P2RY2: variants seen among roughly 807,000 people sequenced by gnomAD.
P2RY2 encodes the protein P2Y purinoceptor 2.
For synonymous variants in P2RY2, 241 were observed against 231.9 expected, an observed-to-expected ratio of 1.04 and a Z score of -0.35; for missense variants, 567 against 515.7, an observed-to-expected ratio of 1.10 and a Z score of -0.96.
At position 73,231,614 on chromosome 11, in the gene P2RY2, C is replaced by T. The variant is rs79996366; in HGVS notation, c.-4-2542C>T. Among the ~76,000 whole-genome samples the T allele has an allele frequency of 3.9e-3, 600 of 152,032 alleles. 1 individual carries two copies. The highest frequency in any genetic ancestry group is 0.013 in the African/African-American group (558 of 41,494). On this transcript the variant is annotated intron_variant, in intron 2 of 2. Coordinates refer to ENST00000393597, the MANE Select transcript of P2RY2 (RefSeq NM_002564.4). ...AGGGAAATTGAAGGATCTCTACACC[C>T]CCCAGCACCCCTAATCTCAGCCTCT...
At chr11:73,218,674 C>T (rs1862034002) in intron 1 of P2RY2, 1 of 152,262 alleles carries the variant, frequency 6.6e-6, no homozygotes, top group South Asian at 2.1e-4. Context: ...TGGACGGGCG[C>T]CCCAGTAGTG....
Position 73,236,049 on chromosome 11 carries a change from G to T in P2RY2, c.*756G>T. The T allele has an allele frequency of 1.0e-6, 1 of 998,904 alleles. No individual in the cohort carries two copies. Among genetic ancestry groups the T allele is most frequent in the Non-Finnish European group, 1.2e-6 (1 of 828,768 alleles). The allele number at this position is 998,904 out of a possible 1,614,324, so 61.9% of individuals were successfully genotyped here. A position where few individuals can be genotyped will look rare whatever the true frequency, so the allele number is the denominator to read the frequency against. ...TCTGCCACCTGCCTTCTCACTAGCT[G>T]TCTCAGGAGTAGTCTCATATCAGGG... On this transcript the variant is annotated 3_prime_UTR_variant, in exon 3 of 3. Coordinates refer to ENST00000393597, the MANE Select transcript of P2RY2 (RefSeq NM_002564.4).
intron 1 of P2RY2, among the ~76,000 whole-genome samples, chr11:73,222,858 G>A (rs1358609160): frequency 6.6e-6 from 1 of 152,180 alleles, no homozygotes; most frequent in African/African-American, 2.4e-5. Context: ...AAGTGGATTT[G>A]GTCCATGTCT....
chr11:73,236,508 T>C lies in P2RY2; in HGVS notation c.*1215T>C, dbSNP rs1862656914. On this transcript the variant is annotated 3_prime_UTR_variant, in exon 3 of 3. Transcript: ENST00000393597. ...AGCTGTAGCTTCTGAGAAAAGCAGC[T>C]CACCGGAAGAACATCCACACACAGG... The C allele has an allele frequency of 2.1e-6, 2 of 966,764 alleles. No homozygotes were observed. Among genetic ancestry groups the C allele is most frequent in the Middle Eastern group, 1.1e-3 (2 of 1,870 alleles). 59.9% of individuals were successfully genotyped at this position (966,764 alleles called of 1,614,324 possible).
intron 2 of P2RY2, among the ~76,000 whole-genome samples, chr11:73,233,060 G>A (rs895529565): frequency 5.9e-5 from 9 of 152,120 alleles, no homozygotes; most frequent in African/African-American, 2.2e-4. Flanking sequence ...GGTTGGGGGG[G>A]ACACCATGAT....
chr11:73,234,711 C>G lies in P2RY2; in HGVS notation c.552C>G (p.His184Gln), dbSNP rs35545480. The change falls in exon 3 of 3, where the codon CAC becomes CAG. Residue 184 changes from histidine to glutamine, a missense_variant. Coordinates refer to ENST00000393597, the MANE Select transcript of P2RY2 (RefSeq NM_002564.4). ...TSARGGRVTC[H>Q]DTSAPELFSR... ...CGCGCGGGGGCCGCGTAACCTGCCACGACACCTCGGCACCCGAGCTCTTCA... is the reference window on the plus strand; with the variant it reads ...CGCGCGGGGGCCGCGTAACCTGCCAGGACACCTCGGCACCCGAGCTCTTCA... The G allele has an allele frequency of 2.6e-5, 41 of 1,607,530 alleles. 1 individual carries two copies. In the South Asian group the frequency reaches 4.5e-4, roughly 18 times the overall value.
At chr11:73,227,603 A>G (rs1334030854) in intron 1 of P2RY2, among the ~76,000 whole-genome samples, 2 of 152,328 alleles carry the variant, frequency 1.3e-5, no homozygotes, top group East Asian at 3.9e-4. Flanking sequence ...GAAGGACAAT[A>G]GAATGCACAC....
In P2RY2 at chr11:73,234,344, T is replaced by C; in HGVS notation, c.185T>C (p.Leu62Pro). 1 of 1,614,226 alleles carries C rather than the reference T, an allele frequency of 6.2e-7. No individual in the cohort carries two copies. The highest frequency in any genetic ancestry group is 2.2e-5 in the East Asian group (1 of 44,886). ...AVALYIFLCR[L>P]KTWNASTTYM... The stretch of plus-strand genomic sequence containing the variant: ...GCGCTCTACATCTTCTTGTGCCGCC[T>C]CAAGACCTGGAATGCGTCCACCACA... The change falls in exon 3 of 3, where the codon CTC becomes CCC. Residue 62 changes from leucine to proline, a missense_variant. Leu to Pro is a moderately conservative substitution (Grantham distance 98, BLOSUM62 -3). Transcript: ENST00000393597.
Position 73,239,193 on chromosome 11 carries a change from T to C in P2RY2, c.*3900T>C, listed in dbSNP as rs1014952719. On this transcript the variant is annotated 3_prime_UTR_variant, in exon 3 of 3. Coordinates refer to ENST00000393597, the MANE Select transcript of P2RY2 (RefSeq NM_002564.4). ...TGACATCACTTAGTACGTAACCACA[T>C]TGGGATACATGTTTTGAAGGAGAGG... 1 of 152,234 alleles carries C rather than the reference T, an allele frequency of 6.6e-6. No homozygotes were observed. Among genetic ancestry groups the C allele is most frequent in the Admixed American group, 6.5e-5 (1 of 15,286 alleles). The allele number at this position is 152,234 out of a possible 1,614,324, so 9.4% of individuals were successfully genotyped here. A position where few individuals can be genotyped will look rare whatever the true frequency, so the allele number is the denominator to read the frequency against.
Position 73,237,725 on chromosome 11 carries a change from T to C in P2RY2, c.*2432T>C, listed in dbSNP as rs1426571956. ...AACCAGGGGCACCTCTGGAACCCAG[T>C]TGGACTGCCTGGCCCCTTGGTATGC... On this transcript the variant is annotated 3_prime_UTR_variant, in exon 3 of 3. Coordinates refer to ENST00000393597, the MANE Select transcript of P2RY2 (RefSeq NM_002564.4). Among the ~76,000 whole-genome samples, 1 of 152,176 alleles carries C rather than the reference T, an allele frequency of 6.6e-6. No homozygotes were observed. The highest frequency in any genetic ancestry group is 1.9e-4 in the East Asian group (1 of 5,196).
rs1436608425 is a variant in P2RY2, at chr11:73,234,771, C to A, written c.612C>A (p.Gly204=). The change falls in exon 3 of 3, where the codon GGC becomes GGA. Residue 204 remains glycine (G), a synonymous_variant. Transcript: ENST00000393597. ...RFVAYSSVML[G]LLFAVPFAVI... is the part of the protein sequence containing the mutation. ...TGGCCTACAGCTCAGTCATGCTGGG[C>A]CTGCTCTTCGCGGTGCCCTTTGCCG... 1.2e-6 allele frequency: 2 copies of A among 1,611,636 alleles called. No homozygotes were observed. The highest frequency in any genetic ancestry group is 1.7e-6 in the Non-Finnish European group (2 of 1,179,952).
At position 73,237,518 on chromosome 11, in the gene P2RY2, G is replaced by C. The variant is rs1211975694; in HGVS notation, c.*2225G>C. Among the ~76,000 whole-genome samples, 1 of 152,290 alleles carries C rather than the reference G, an allele frequency of 6.6e-6. No homozygotes were observed. Among genetic ancestry groups the C allele is most frequent in the East Asian group, 1.9e-4 (1 of 5,186 alleles). On this transcript the variant is annotated 3_prime_UTR_variant, in exon 3 of 3. Transcript: ENST00000393597. ...CTGCCTCAGCCTCCCAAAGTGCTGG[G>C]ATTACAGGTATGAGCCACCGCACCC...
chr11:73,226,749 C>A (rs766807899), intron 1 of P2RY2, among the ~76,000 whole-genome samples: 1 of 152,114 alleles, frequency 6.6e-6, no homozygotes, highest in African/African-American at 2.4e-5. Flanking sequence ...CTCCACCAGG[C>A]AACTGTCCCC....
rs1288384695 is a variant in P2RY2 at position 73,236,895 on chromosome 11, G to A, written c.*1602G>A. 15 of 985,070 alleles carry A rather than the reference G, an allele frequency of 1.5e-5. No individual in the cohort carries two copies. Among genetic ancestry groups the A allele is most frequent in the Non-Finnish European group, 1.8e-5 (15 of 829,784 alleles). The allele number at this position is 985,070 out of a possible 1,614,324, so 61.0% of individuals were successfully genotyped here. On this transcript the variant is annotated 3_prime_UTR_variant, in exon 3 of 3. Coordinates refer to ENST00000393597, the MANE Select transcript of P2RY2 (RefSeq NM_002564.4). ...CTCAGCTGGACAGGGCCCCGCCCTA[G>A]CCTTTGGAAAGGGACAGGGCAAAGC...
intron 1 of P2RY2, among the ~76,000 whole-genome samples, chr11:73,219,784 C>T (rs934849782): frequency 6.6e-6 from 1 of 152,234 alleles, no homozygotes; most frequent in Non-Finnish European, 1.5e-5. Flanking sequence ...TCTACACTCC[C>T]TCTCTGATAA....
In P2RY2 at chr11:73,237,235, A is replaced by T; in HGVS notation, c.*1942A>T. 1 of 517,432 alleles carries T rather than the reference A, an allele frequency of 1.9e-6. No homozygotes were observed. The highest frequency in any genetic ancestry group is 2.5e-6 in the Non-Finnish European group (1 of 402,574). 32.1% of individuals were successfully genotyped at this position (517,432 alleles called of 1,614,324 possible). ...TTCTATACTTCTGTTAATGTAGCCG[A>T]TGTCCTTCTGAGTTTTTTTTTTCTT... is the stretch of plus-strand genomic sequence containing the variant. On this transcript the variant is annotated 3_prime_UTR_variant, in exon 3 of 3. Transcript: ENST00000393597.
Position 73,234,974 on chromosome 11 carries a change from G to C in P2RY2, c.815G>C (p.Arg272Pro), listed in dbSNP as rs1198884858. Residue 272 changes from arginine (R) to proline (P), a missense_variant, in exon 3 of 3, where the codon CGC becomes CCC. Arg to Pro is a moderately radical substitution (Grantham distance 103, BLOSUM62 -2). Coordinates refer to ENST00000393597, the MANE Select transcript of P2RY2 (RefSeq NM_002564.4). ...ACCCGCACCCTCTACTACTCCTTCCGCTCGCTGGACCTCAGCTGCCACACC... is the reference window on the plus strand; with the variant it reads ...ACCCGCACCCTCTACTACTCCTTCCCCTCGCTGGACCTCAGCTGCCACACC... ...HVTRTLYYSF[R>P]SLDLSCHTLN... is the part of the protein sequence containing the mutation. 1 of 1,610,348 alleles carries C rather than the reference G, an allele frequency of 6.2e-7. No individual in the cohort carries two copies. Among genetic ancestry groups the C allele is most frequent in the East Asian group, 2.2e-5 (1 of 44,868 alleles).
Position 73,235,139 on chromosome 11 carries a change from GC to G in P2RY2, c.983del (p.Pro328LeufsTer22). 6.2e-7 allele frequency: 1 copy of G among 1,610,264 alleles called. No individual in the cohort carries two copies. Among genetic ancestry groups the G allele is most frequent in the Non-Finnish European group, 8.5e-7 (1 of 1,179,376 alleles). On this transcript the variant is annotated frameshift_variant, in exon 3 of 3. Transcript: ENST00000393597. LOFTEE classifies it low-confidence loss of function (END_TRUNC). ...ARDAKPPTGP[S>X]PATPARRRLG... ...GATGCCAAGCCACCCACTGGCCCCAGCCCTGCCACCCCGGCTCGCCGCAGGC... is the reference window on the plus strand; with the variant it reads ...GATGCCAAGCCACCCACTGGCCCCAGCCTGCCACCCCGGCTCGCCGCAGGC...
At chr11:73,230,456 A>T (rs983787340) in intron 2 of P2RY2, among the ~76,000 whole-genome samples, 1 of 151,908 alleles carries the variant, frequency 6.6e-6, no homozygotes, top group African/African-American at 2.4e-5. Flanking sequence ...GGCACTCATA[A>T]CACCACCGTG....
Sources: allele counts gnomAD v4.1 joint callset (sites outside exome capture counted in the v4.1 genomes callset), GRCh38; gene constraint gnomAD v4.1.1; transcripts MANE v1.5; gene names NCBI Gene and HGNC (gene_info 2026-07-23, HGNC 2026-07-21).